EML4: variants seen among roughly 807,000 people sequenced by gnomAD.
EML4 encodes the protein echinoderm microtubule-associated protein-like 4.
A neutral mutation model predicts 129.0 loss-of-function variants in EML4; 72 were observed. The ratio of observed to expected loss-of-function variants is 0.56; its 90% CI spans 0.46 to 0.68. The LOEUF (loss-of-function observed/expected upper bound fraction) is 0.68. Ranked by LOEUF, EML4 falls within the 30% of genes least tolerant of loss-of-function variation. EML4 has a pLI of 0.00. For synonymous variants in EML4, 532 were observed against 405.0 expected (o/e 1.31, Z -3.77); for missense variants, 1,363 against 1,190.6 (o/e 1.14, Z -2.13).
At chr2:42,252,315 A>G (rs1675829475) in intron 2 of EML4, among the ~76,000 whole-genome samples, 1 of 152,174 alleles carries the variant, frequency 6.6e-6, no homozygotes. Context: ...GATCAAGTGT[A>G]AAAGTTTTTA....
rs191544833 is a variant in EML4 at position 42,270,336 on chromosome 2, A to C, written c.667+5605A>C. Among the ~76,000 whole-genome samples, 112 of 152,248 alleles carry C rather than the reference A, an allele frequency of 7.4e-4. 1 individual carries two copies. The highest frequency in any genetic ancestry group is 2.4e-3 in the African/African-American group (100 of 41,536). ...CATTTTGGGAAGCCAAGGTGGGTGGATTGCTTGAGCTCAGGAGTTCAAGAT... is the reference window on the plus strand; with the variant it reads ...CATTTTGGGAAGCCAAGGTGGGTGGCTTGCTTGAGCTCAGGAGTTCAAGAT... On this transcript the variant is annotated intron_variant, in intron 6 of 22. Transcript: ENST00000318522.
intron 1 of EML4, among the ~76,000 whole-genome samples, chr2:42,231,500 A>C (rs10182302): frequency 0.8 from 122,332 of 152,146 alleles, 49,876 homozygotes; most frequent in African/African-American, 0.92. Context: ...CATTCCCCAC[A>C]CTGTTTTTTT....
intron 1 of EML4, among the ~76,000 whole-genome samples, chr2:42,234,730 T>TG (rs1558525890): frequency 6.6e-6 from 1 of 152,242 alleles, no homozygotes; most frequent in Admixed American, 6.5e-5. Flanking sequence ...TGAAAAAAGA[T>TG]GGTCATGTAT....
In EML4 at chr2:42,330,075, CGAG is replaced by C. The variant is rs1311230311; in HGVS notation, c.2821_2823del (p.Glu941del). 15 of 1,612,892 alleles carry C rather than the reference CGAG, an allele frequency of 9.3e-6. No homozygotes were observed. Among genetic ancestry groups the C allele is most frequent in the East Asian group, 8.9e-5 (4 of 44,862 alleles). The stretch of plus-strand genomic sequence containing the variant: ...CTGTGGAGCCAAGTGAAGACCACAG[CGAG>C]GAGGAGAGTGAAGAGGGCAGCGGAG... On this transcript the variant is annotated inframe_deletion, in exon 23 of 23. Transcript: ENST00000318522.
intron 1 of EML4, among the ~76,000 whole-genome samples, chr2:42,185,845 A>G (rs1018286746): frequency 6.6e-6 from 1 of 152,162 alleles, no homozygotes; most frequent in Admixed American, 6.5e-5. Flanking sequence ...TTTTGCAGTA[A>G]TCTAGGAGAG....
At chr2:42,189,923 T>C (rs1300417593) in intron 1 of EML4, among the ~76,000 whole-genome samples, 1 of 151,768 alleles carries the variant, frequency 6.6e-6, no homozygotes, top group Non-Finnish European at 1.5e-5. Flanking sequence ...GTTACTAACA[T>C]CATGAGACAT....
At chr2:42,306,293 A>G (rs1188472143) in intron 17 of EML4, among the ~76,000 whole-genome samples, 1 of 151,608 alleles carries the variant, frequency 6.6e-6, no homozygotes, top group Non-Finnish European at 1.5e-5. Flanking sequence ...TTCTTCAACC[A>G]AAAAAAATGG....
intron 1 of EML4, among the ~76,000 whole-genome samples, chr2:42,192,760 CAG>C (rs1558489263): frequency 6.6e-6 from 1 of 152,156 alleles, no homozygotes; most frequent in East Asian, 1.9e-4. Context: ...CCCAGAAAAA[CAG>C]TGATAAATGA....
intron 1 of EML4, among the ~76,000 whole-genome samples, chr2:42,220,453 G>A (rs1572568470): frequency 6.6e-6 from 1 of 152,006 alleles, no homozygotes; most frequent in South Asian, 2.1e-4. Flanking sequence ...TTGTTTTGGA[G>A]TGCCATGAGT....
chr2:42,182,070 T>A (rs1670975789), intron 1 of EML4, among the ~76,000 whole-genome samples: 1 of 152,030 alleles, frequency 6.6e-6, no homozygotes, highest in Non-Finnish European at 1.5e-5. Context: ...CTTAATGTAT[T>A]TATTTATTTG....
intron 11 of EML4, among the ~76,000 whole-genome samples, chr2:42,291,400 T>A (rs1481487241): frequency 9.9e-5 from 5 of 50,412 alleles, no homozygotes; most frequent in Non-Finnish European, 2.0e-4. Flanking sequence ...CAAGACACCT[T>A]TTTTTTTTTT....
At chr2:42,256,666 C>T in intron 3 of EML4, 36 bp downstream of exon 3, 1 of 1,610,208 alleles carries the variant, frequency 6.2e-7, no homozygotes, top group African/African-American at 1.3e-5. Flanking sequence ...ACTAACATTG[C>T]AGAATTGTCT....
intron 10 of EML4, among the ~76,000 whole-genome samples, chr2:42,287,566 A>G (rs1427603337): frequency 6.6e-6 from 1 of 152,194 alleles, no homozygotes; most frequent in Non-Finnish European, 1.5e-5. Context: ...ATTGTAAAGC[A>G]TATTTCACAA....
At chr2:42,220,649 G>A (rs1377081385) in intron 1 of EML4, among the ~76,000 whole-genome samples, 1 of 152,092 alleles carries the variant, frequency 6.6e-6, no homozygotes. Context: ...AAGAGTGCAC[G>A]TTTCTCACTT....
chr2:42,261,281 A>T lies in EML4; in HGVS notation c.499A>T (p.Thr167Ser), dbSNP rs746737127. The change falls in exon 4 of 23, where the codon ACT becomes TCT. Residue 167 changes from threonine (T) to serine (S), a missense_variant. By Grantham distance (58) the Thr-to-Ser change is moderately conservative. Transcript: ENST00000318522. Reference protein sequence around the residue: ...HRQTPESKNATPTKSIKRPSP... With the variant: ...HRQTPESKNASPTKSIKRPSP... ...ACAAACTCCAGAAAGCAAGAATGCT[A>T]CTCCCACCAAAAGGTTTTAACTGTC... 1.9e-6 allele frequency: 3 copies of T among 1,612,920 alleles called. No individual in the cohort carries two copies. Among genetic ancestry groups the T allele is most frequent in the Non-Finnish European group, 8.5e-7 (1 of 1,179,412 alleles).
At chr2:42,259,271 C>T (rs746140457) in intron 3 of EML4, among the ~76,000 whole-genome samples, 6 of 151,018 alleles carry the variant, frequency 4.0e-5, no homozygotes, top group South Asian at 2.1e-4. Context: ...GGGAGGGGGG[C>T]GGCAGAGAAA....
intron 13 of EML4, among the ~76,000 whole-genome samples, chr2:42,300,090 G>A (rs1668195899): frequency 6.6e-6 from 1 of 152,186 alleles, no homozygotes; most frequent in Non-Finnish European, 1.5e-5. Flanking sequence ...TAGACATACT[G>A]TGTTTTTAAA....
intron 17 of EML4, among the ~76,000 whole-genome samples, chr2:42,309,906 T>C (rs899628524): frequency 1.7e-4 from 26 of 152,364 alleles, no homozygotes; most frequent in African/African-American, 6.0e-4. Context: ...TTCTTTCTCT[T>C]GTTTCTTAAG....
chr2:42,269,861 G>T (rs1666271293), intron 6 of EML4, among the ~76,000 whole-genome samples: 1 of 152,100 alleles, frequency 6.6e-6, no homozygotes, highest in African/African-American at 2.4e-5. Flanking sequence ...GTTTCATGAG[G>T]TACCTCATGC....
Sources: gnomAD v4.1 joint callset for allele counts (sites outside exome capture counted in the v4.1 genomes callset) on GRCh38, gnomAD v4.1.1 for gene constraint, MANE v1.5 for transcripts, NCBI Gene and HGNC (gene_info 2026-07-23, HGNC 2026-07-21) for gene names.